Variants in PCNT observed in about 807,000 individuals in gnomAD.
The protein encoded by PCNT is pericentrin.
Under a neutral mutation model 380.4 loss-of-function variants are expected in PCNT, and 319 were observed. The observed-to-expected ratio is 0.84, with a 90% CI of 0.77 to 0.92. The LOEUF (loss-of-function observed/expected upper bound fraction) is 0.92. PCNT is among the 40% of genes least tolerant of loss of function. The pLI is 0.00. For missense variants in PCNT, 4,400 were observed against 4,255.3 expected (o/e 1.03, Z -0.95); for synonymous variants, 1,845 against 1,735.2 (o/e 1.06, Z -1.57).
At chr21:46,426,919 G>A (rs1390055246) in intron 33 of PCNT, among the ~76,000 whole-genome samples, 1 of 152,342 alleles carries the variant, frequency 6.6e-6, no homozygotes, top group East Asian at 1.9e-4. Flanking sequence ...AACGCACAGG[G>A]TGTGCTGGTG....
intron 45 of PCNT, 29 bp downstream of exon 45, chr21:46,443,977 C>T (rs761402986): frequency 6.2e-7 from 1 of 1,604,410 alleles, no homozygotes; most frequent in East Asian, 2.2e-5. Context: ...GGCCCCGTCT[C>T]CTGCCAGGGC....
chr21:46,325,937 C>G (rs114451753), intron 1 of PCNT, among the ~76,000 whole-genome samples: 1 of 152,164 alleles, frequency 6.6e-6, no homozygotes, highest in African/African-American at 2.4e-5. Context: ...TGTATCTTGT[C>G]TCAGAATCTA....
chr21:46,421,912 C>A (rs1047227947), intron 31 of PCNT, 58 bp from the exon 32 acceptor site: 17 of 1,596,560 alleles, frequency 1.1e-5, no homozygotes, highest in Non-Finnish European at 1.5e-5. Flanking sequence ...TGCAGTGCGT[C>A]CCCTGGGGAA....
chr21:46,398,855 A>T (rs1461339374), intron 24 of PCNT, among the ~76,000 whole-genome samples: 2 of 130,296 alleles, frequency 1.5e-5, no homozygotes, highest in African/African-American at 6.0e-5. Context: ...AGTCTCATGC[A>T]GTTGCCCAGG....
At chr21:46,341,328 G>A (rs1601779635) in intron 3 of PCNT, among the ~76,000 whole-genome samples, 1 of 152,020 alleles carries the variant, frequency 6.6e-6, no homozygotes, top group African/African-American at 2.4e-5. Context: ...TCCGCTTGGA[G>A]TAGCACATTG....
chr21:46,355,665 C>T (rs759083547), intron 12 of PCNT, 39 bp downstream of exon 12: 20 of 1,607,638 alleles, frequency 1.2e-5, no homozygotes, highest in Non-Finnish European at 1.4e-5. Flanking sequence ...CGGCAGGTCC[C>T]GGGTCTGGGG....
At position 46,354,045 on chromosome 21, in the gene PCNT, G is replaced by T; in HGVS notation, c.1738G>T (p.Glu580Ter). 1 of 1,614,120 alleles carries T rather than the reference G, an allele frequency of 6.2e-7. No homozygotes were observed. Among genetic ancestry groups the T allele is most frequent in the Non-Finnish European group, 8.5e-7 (1 of 1,179,964 alleles). ...GAAAGGAAGAAAAGATCACGTTGAT[G>T]AACTCGAGCCTGAGCGACATAAGGT... is the stretch of plus-strand genomic sequence containing the variant. ...PEKGRKDHVD[E>*]LEPERHKESL... Residue 580 changes from glutamate (E) to a stop codon, truncating the protein, a stop_gained, in exon 11 of 47, where the codon GAA becomes TAA. Transcript: ENST00000359568. LOFTEE classifies it high-confidence loss of function.
chr21:46,361,137 T>G (rs75895001), intron 13 of PCNT, among the ~76,000 whole-genome samples: 18,543 of 152,178 alleles, frequency 0.12, 1,244 homozygotes, highest in South Asian at 0.21. Flanking sequence ...AGGCCAGTAA[T>G]CCCAGCACTT....
chr21:46,370,024 G>T (rs1054257932), intron 15 of PCNT, among the ~76,000 whole-genome samples: 1 of 152,222 alleles, frequency 6.6e-6, no homozygotes, highest in Non-Finnish European at 1.5e-5. Flanking sequence ...CAGGTGAGCA[G>T]CTCCACGTGT....
At position 46,397,423 on chromosome 21, in the gene PCNT, G is replaced by T. The variant is rs767502452; in HGVS notation, c.4375G>T (p.Ala1459Ser). The change falls in exon 22 of 47, where the codon GCC (alanine) becomes TCC (serine). Residue 1459 changes from alanine to serine, a missense_variant. By Grantham distance (99) the Ala-to-Ser change is moderately conservative. Coordinates refer to ENST00000359568, the MANE Select transcript of PCNT (RefSeq NM_006031.6). ...TCGCGGGTGTGCCAAGCAGGCGGAG[G>T]CCGTCACTGCCCTGGAACAGCAGGT... ...QHRGCAKQAE[A>S]VTALEQQVAS... is the part of the protein sequence containing the mutation. 6.2e-7 allele frequency: 1 copy of T among 1,614,186 alleles called. No homozygotes were observed. Among genetic ancestry groups the T allele is most frequent in the Non-Finnish European group, 8.5e-7 (1 of 1,180,040 alleles).
At chr21:46,371,978 A>T (rs932656376) in intron 15 of PCNT, among the ~76,000 whole-genome samples, 1 of 150,094 alleles carries the variant, frequency 6.7e-6, no homozygotes, top group Non-Finnish European at 1.5e-5. Flanking sequence ...TAGCACATAC[A>T]CACATGCAGC....
At chr21:46,394,883 C>T (rs938365110) in intron 21 of PCNT, among the ~76,000 whole-genome samples, 1 of 152,234 alleles carries the variant, frequency 6.6e-6, no homozygotes, top group Non-Finnish European at 1.5e-5. Context: ...GCCTGTTCAG[C>T]GTGGGTGTCA....
intron 17 of PCNT, among the ~76,000 whole-genome samples, chr21:46,386,508 G>A (rs989860766): frequency 6.6e-6 from 1 of 152,230 alleles, no homozygotes; most frequent in East Asian, 1.9e-4. Context: ...TGCAGGCACT[G>A]GGCTGAGCGC....
At chr21:46,347,196 T>C (rs2084100797) in intron 5 of PCNT, among the ~76,000 whole-genome samples, 198 bp downstream of exon 5, 1 of 152,144 alleles carries the variant, frequency 6.6e-6, no homozygotes, top group Admixed American at 6.5e-5. Context: ...AGGAGATTAT[T>C]AGAGCAGGTT....
rs8131693 is a variant in PCNT, at chr21:46,430,193, G to C, written c.7874G>C (p.Arg2625Pro). 5 of 1,613,696 alleles carry C rather than the reference G, an allele frequency of 3.1e-6. No individual in the cohort carries two copies. Among genetic ancestry groups the C allele is most frequent in the Non-Finnish European group, 4.2e-6 (5 of 1,179,924 alleles). ...ESRQKSEQLS[R>P]SLCEVQQEVL... is the part of the protein sequence containing the mutation. ...AGGCAGAAGAGCGAACAGCTGTCCC[G>C]GTCCCTCTGCGAGGTGCAGCAGGAG... Residue 2625 changes from arginine (R) to proline (P), a missense_variant, in exon 36 of 47, where the codon CGG becomes CCG. By Grantham distance (103) the Arg-to-Pro change is moderately radical. Transcript: ENST00000359568.
intron 27 of PCNT, among the ~76,000 whole-genome samples, chr21:46,408,069 A>C (rs1033965163): frequency 6.6e-6 from 1 of 152,230 alleles, no homozygotes; most frequent in African/African-American, 2.4e-5. Flanking sequence ...TAAATTTTGA[A>C]AAAAGGATTT....
intron 38 of PCNT, among the ~76,000 whole-genome samples, chr21:46,434,173 C>A (rs1349717521): frequency 1.3e-5 from 2 of 152,248 alleles, no homozygotes; most frequent in Non-Finnish European, 2.9e-5. Flanking sequence ...TAGTGGCATG[C>A]TGGATACAAT....
chr21:46,383,305 C>T (rs536259623), intron 16 of PCNT, among the ~76,000 whole-genome samples: 14 of 142,814 alleles, frequency 9.8e-5, no homozygotes, highest in African/African-American at 3.4e-4. Context: ...GAAGCGCATT[C>T]ACGGTGTTGT....
intron 2 of PCNT, among the ~76,000 whole-genome samples, chr21:46,327,733 T>G (rs2083437183): frequency 6.6e-6 from 1 of 152,240 alleles, no homozygotes; most frequent in African/African-American, 2.4e-5. Flanking sequence ...TTCCTTCACA[T>G]AGTTGTAAAT....
Sources: allele counts gnomAD v4.1 joint callset (sites outside exome capture counted in the v4.1 genomes callset), GRCh38; gene constraint gnomAD v4.1.1; transcripts MANE v1.5; gene names NCBI Gene and HGNC (gene_info 2026-07-23, HGNC 2026-07-21).